FBXO38: variants seen among roughly 807,000 people sequenced by gnomAD.
FBXO38 encodes the protein F-box only protein 38.
A neutral mutation model predicts 131.9 loss-of-function variants in FBXO38; 53 were observed. The ratio of observed to expected loss-of-function variants is 0.40; its 90% CI spans 0.32 to 0.51. The LOEUF is 0.51. FBXO38 is among the 20% of genes least tolerant of loss of function. FBXO38 has a pLI of 0.53. For synonymous variants in FBXO38, 452 were observed against 505.6 expected, an observed-to-expected ratio of 0.89 and a Z score of 1.42; for missense variants, 1,076 against 1,475.6, an observed-to-expected ratio of 0.73 and a Z score of 4.44.
intron 8 of FBXO38, 144 bp downstream of exon 8, chr5:148,409,361 A>G (rs1752624331): frequency 1.6e-6 from 1 of 632,278 alleles, no homozygotes; most frequent in Non-Finnish European, 2.9e-6. Context: ...AAGAAGTCCA[A>G]ATAACAGATA....
Position 148,399,068 on chromosome 5 carries a change from A to G in FBXO38, c.198A>G (p.Leu66=), listed in dbSNP as rs74863106. 21,869 of 1,613,538 alleles carry G rather than the reference A, an allele frequency of 0.014. 530 individuals carry two copies. The highest frequency in any genetic ancestry group is 0.071 in the Admixed American group (4,236 of 59,900). Residue 66 remains leucine (L), a synonymous_variant, in exon 3 of 22, where the codon CTA becomes CTG. Transcript: ENST00000340253. ...GGAAGCTAAAGGAAGCAGTGACCCT[A>G]TATCTGCGAGTTGTGAGAGTTGTAG... ...LSRKLKEAVT[L]YLRVVRVVDL...
chr5:148,417,040 C>G lies in FBXO38; in HGVS notation c.1454C>G (p.Ser485Ter). Residue 485 changes from serine (S) to a stop codon, truncating the protein, a stop_gained, in exon 12 of 22, where the codon TCA (serine) becomes TGA (stop). Transcript: ENST00000340253. LOFTEE classifies it high-confidence loss of function. ...GLSAGTGIGV[S>*]SALVSNQNSN... ...AGTGCAGGCACAGGAATTGGTGTTT[C>G]ATCAGCTCTTGTTAGCAACCAGAAC... 2 of 1,613,818 alleles carry G rather than the reference C, an allele frequency of 1.2e-6. No homozygotes were observed. The highest frequency in any genetic ancestry group is 1.7e-6 in the Non-Finnish European group (2 of 1,179,824).
At chr5:148,384,703 C>T (rs1757820603) in intron 1 of FBXO38, 1 of 152,242 alleles carries the variant, frequency 6.6e-6, no homozygotes, top group Admixed American at 6.5e-5. Context: ...ATTCTCCCTG[C>T]ACTCTGCACA....
At chr5:148,401,315 A>G (rs568877981) in intron 3 of FBXO38, among the ~76,000 whole-genome samples, 7 of 152,160 alleles carry the variant, frequency 4.6e-5, no homozygotes, top group African/African-American at 7.2e-5. Context: ...GATTCCTACT[A>G]TGGTCTCCTG....
intron 3 of FBXO38, 71 bp downstream of exon 3, chr5:148,399,203 T>C: frequency 6.4e-7 from 1 of 1,555,132 alleles, no homozygotes; most frequent in Non-Finnish European, 8.7e-7. Flanking sequence ...TCATAAAAAG[T>C]TACTTGTTGT....
intron 2 of FBXO38, among the ~76,000 whole-genome samples, chr5:148,395,860 T>C (rs1758452908): frequency 6.6e-6 from 1 of 152,164 alleles, no homozygotes; most frequent in South Asian, 2.1e-4. Context: ...TAGATAGTTT[T>C]CAGTTTTTCT....
intron 2 of FBXO38, among the ~76,000 whole-genome samples, chr5:148,396,409 C>T (rs1758481115): frequency 6.6e-6 from 1 of 152,040 alleles, no homozygotes; most frequent in Admixed American, 6.6e-5. Flanking sequence ...GTATTCACAT[C>T]AGTGAGGAAA....
chr5:148,402,774 A>G (rs997877814), intron 5 of FBXO38, among the ~76,000 whole-genome samples: 1 of 152,182 alleles, frequency 6.6e-6, no homozygotes, highest in Non-Finnish European at 1.5e-5. Context: ...TTAAGTAAAA[A>G]GTGTAAATAT....
chr5:148,424,049 A>G lies in FBXO38; in HGVS notation c.1670A>G (p.Glu557Gly), dbSNP rs1003116892. The change falls in exon 13 of 22, where the codon GAG (glutamate) becomes GGG (glycine). Residue 557 changes from glutamate (E) to glycine (G), a missense_variant. Around this residue, in one of 8 missense-constraint regions of FBXO38, gnomAD observed 212 missense variants for 221.2 expected, o/e 0.96. Transcript: ENST00000340253. ...CAAGAAGATGGAGAGGTGGTGGCCG[A>G]GAGTGGAAATAATACTCCAGCTCAC... ...IVQEDGEVVA[E>G]SGNNTPAHSQ... 7 of 1,613,538 alleles carry G rather than the reference A, an allele frequency of 4.3e-6. No individual in the cohort carries two copies. The highest frequency in any genetic ancestry group is 1.6e-4 in the Middle Eastern group (1 of 6,084).
chr5:148,439,919 G>A, intron 19 of FBXO38, 127 bp downstream of exon 19: 1 of 908,996 alleles, frequency 1.1e-6, no homozygotes, highest in Non-Finnish European at 1.6e-6. Flanking sequence ...AGCTTATCCT[G>A]AAGTTAACGT....
chr5:148,401,077 A>G (rs1450056263), intron 3 of FBXO38, among the ~76,000 whole-genome samples: 8 of 152,202 alleles, frequency 5.3e-5, no homozygotes, highest in Admixed American at 4.6e-4. Context: ...CAACTTTCAA[A>G]AAAGTATGTA....
Position 148,410,746 on chromosome 5 carries a change from A to C in FBXO38, c.1074A>C (p.Val358=), listed in dbSNP as rs747575209. 6.2e-7 allele frequency: 1 copy of C among 1,612,402 alleles called. No individual in the cohort carries two copies. ...PQFETLHLGY[V]DEFLLQSRMA... ...TTGAAACCCTTCATCTAGGATATGTAGATGAGTTTTTGCTACAGAGTAAGA... is the reference window on the plus strand; with the variant it reads ...TTGAAACCCTTCATCTAGGATATGTCGATGAGTTTTTGCTACAGAGTAAGA... Residue 358 remains valine (V), a synonymous_variant, in exon 9 of 22, where the codon GTA becomes GTC. Coordinates refer to ENST00000340253, the MANE Select transcript of FBXO38 (RefSeq NM_205836.3).
Position 148,402,158 on chromosome 5 carries a change from G to A in FBXO38, c.426+13G>A. On this transcript the variant is annotated intron_variant, in intron 4 of 21. Coordinates refer to ENST00000340253, the MANE Select transcript of FBXO38 (RefSeq NM_205836.3). ...CCCAAACTTAGTGGTGAGTGCACCT[G>A]GTTGAACATTTTGGCATCAACTGTT... The A allele has an allele frequency of 6.3e-7, 1 of 1,598,046 alleles. No individual in the cohort carries two copies.
In FBXO38 at chr5:148,427,699, C is replaced by G; in HGVS notation, c.2405C>G (p.Ala802Gly). ...SDEERPSTSRACVVNGPDGTR... is the reference protein window; with the variant it reads ...SDEERPSTSRGCVVNGPDGTR... ...GAGGAACGTCCTTCAACCAGCCGAGCCTGTGTTGTGAATGGCCCGGATGGT... is the reference window on the plus strand; with the variant it reads ...GAGGAACGTCCTTCAACCAGCCGAGGCTGTGTTGTGAATGGCCCGGATGGT... The change falls in exon 15 of 22, where the codon GCC (alanine) becomes GGC (glycine). Residue 802 changes from alanine to glycine, a missense_variant. Physicochemically the swap from Ala to Gly is moderately conservative, Grantham distance 60. Transcript: ENST00000340253. The G allele has an allele frequency of 6.2e-7, 1 of 1,614,178 alleles. No homozygotes were observed. The highest frequency in any genetic ancestry group is 8.5e-7 in the Non-Finnish European group (1 of 1,180,018).
Position 148,414,129 on chromosome 5 carries a change from T to C in FBXO38, c.1094-7T>C, listed in dbSNP as rs199595655. 5 of 1,587,944 alleles carry C rather than the reference T, an allele frequency of 3.1e-6. No individual in the cohort carries two copies. Among genetic ancestry groups the C allele is most frequent in the Non-Finnish European group, 4.3e-6 (5 of 1,172,534 alleles). ...TTTTTTTTTTTTTAATTGATTGCTC[T>C]TTTTAGGCAGAATGGCTAATGCGGA... is the stretch of plus-strand genomic sequence containing the variant. On this transcript the variant is annotated splice_polypyrimidine_tract_variant and splice_region_variant and intron_variant, in intron 9 of 21. Transcript: ENST00000340253.
At chr5:148,435,572 C>T (rs2113654738) in intron 17 of FBXO38, among the ~76,000 whole-genome samples, 1 of 152,310 alleles carries the variant, frequency 6.6e-6, no homozygotes, top group Admixed American at 6.5e-5. Context: ...GAGATCAAGA[C>T]CATCCTCGCT....
intron 1 of FBXO38, among the ~76,000 whole-genome samples, chr5:148,393,188 G>GGGGGGTGT (rs1420907423): frequency 4.7e-5 from 6 of 127,036 alleles, no homozygotes; most frequent in South Asian, 2.8e-4. Flanking sequence ...ACAGAAGAGG[G>GGGGGGTGT]GTGTGTGTGT....
chr5:148,415,885 A>G (rs761244859), intron 10 of FBXO38, 43 bp from the exon 11 acceptor site: 1 of 1,608,322 alleles, frequency 6.2e-7, no homozygotes, highest in Non-Finnish European at 8.5e-7. Flanking sequence ...TAATGGGGAA[A>G]ATGTTACTTA....
In FBXO38 at chr5:148,433,422, A is replaced by C; in HGVS notation, c.2654-2A>C. On this transcript the variant is annotated splice_acceptor_variant, in intron 15 of 21. Coordinates refer to ENST00000340253, the MANE Select transcript of FBXO38 (RefSeq NM_205836.3). LOFTEE classifies it high-confidence loss of function. ...GATTTTCTTTTTTTTTGCCTTTTTT[A>C]GAAGTAGCCAAAACAAAGCCACGTC... 1 of 1,605,906 alleles carries C rather than the reference A, an allele frequency of 6.2e-7. No individual in the cohort carries two copies. The highest frequency in any genetic ancestry group is 8.5e-7 in the Non-Finnish European group (1 of 1,177,054).
Sources: allele counts gnomAD v4.1 joint callset (sites outside exome capture counted in the v4.1 genomes callset), GRCh38; gene constraint gnomAD v4.1.1; regional missense constraint gnomAD v4.1.1; transcripts MANE v1.5; gene names NCBI Gene and HGNC (gene_info 2026-07-23, HGNC 2026-07-21).